Variants in MAOA observed in about 807,000 individuals in gnomAD.
The protein encoded by MAOA is amine oxidase [flavin-containing] A.
In MAOA, 6 loss-of-function variants were observed where a neutral mutation model predicts 42.0. The observed-to-expected ratio is 0.14, with a 90% CI of 0.08 to 0.28. The LOEUF (loss-of-function observed/expected upper bound fraction) is 0.28. MAOA is among the 10% of genes least tolerant of loss of function. The pLI, the probability that MAOA is intolerant of heterozygous loss-of-function variation, is 1.00. For missense variants in MAOA, 262 were observed against 422.3 expected (o/e 0.62, Z 3.33); for synonymous variants, 140 against 154.0 (o/e 0.91, Z 0.67).
chrX:43,733,588 G>A (rs771112871), intron 9 of MAOA, among the ~76,000 whole-genome samples: 5 of 111,743 alleles, frequency 4.5e-5, no homozygotes, highest in Non-Finnish European at 9.4e-5. Flanking sequence ...ACAAATAAAA[G>A]GCGATTTATT....
upstream of MAOA, chrX:43,656,123 T>A: frequency 2.3e-6 from 1 of 434,746 alleles, no homozygotes; most frequent in South Asian, 3.3e-5. Context: ...AGTGCCCAGC[T>A]CCCCCCGGGT....
At chrX:43,708,702 G>A (rs925435524) in intron 3 of MAOA, among the ~76,000 whole-genome samples, 6 of 101,560 alleles carry the variant, frequency 5.9e-5, no homozygotes, top group African/African-American at 1.8e-4. Flanking sequence ...TCGCACTGTC[G>A]CCCAGGCTGG....
chrX:43,676,140 G>A (rs1468726490), intron 1 of MAOA, among the ~76,000 whole-genome samples: 1 of 112,153 alleles, frequency 8.9e-6, no homozygotes, highest in Non-Finnish European at 1.9e-5. Flanking sequence ...AAGCAAGCCT[G>A]GGCAATGGCG....
chrX:43,717,534 G>A (rs2033753926), intron 5 of MAOA, among the ~76,000 whole-genome samples: 1 of 111,399 alleles, frequency 9.0e-6, no homozygotes, highest in Non-Finnish European at 1.9e-5. Flanking sequence ...GACCCACAGG[G>A]TCATGGGGGA....
At chrX:43,680,797 C>T (rs1045621264) in intron 1 of MAOA, among the ~76,000 whole-genome samples, 1 of 111,275 alleles carries the variant, frequency 9.0e-6, no homozygotes, top group Admixed American at 9.6e-5. Context: ...CCCTCATTAG[C>T]TATTTGGTTG....
At chrX:43,684,879 T>TTTTC (rs1569192740) in intron 2 of MAOA, among the ~76,000 whole-genome samples, 2 of 96,373 alleles carry the variant, frequency 2.1e-5, no homozygotes, top group African/African-American at 7.5e-5. Flanking sequence ...CTTTTCTTTT[T>TTTTC]TTTTTTTTTT....
At chrX:43,715,392 G>A (rs1235353729) in intron 5 of MAOA, among the ~76,000 whole-genome samples, 1 of 111,141 alleles carries the variant, frequency 9.0e-6, no homozygotes, top group Non-Finnish European at 1.9e-5. Context: ...ACAGGAGCTA[G>A]GGGATGCAGG....
At chrX:43,715,758 A>G (rs1186268204) in intron 5 of MAOA, among the ~76,000 whole-genome samples, 1 of 109,244 alleles carries the variant, frequency 9.2e-6, no homozygotes, top group East Asian at 2.9e-4. Context: ...TTCCAGGATG[A>G]CCCACAAGGC....
chrX:43,660,749 A>G lies in MAOA; in HGVS notation c.73+4335A>G, dbSNP rs187818568. ...ACACTTATTTTCTATCTCTTATTTC[A>G]TGATTTGATTTTAAGGATAATGGCT... On this transcript the variant is annotated intron_variant, in intron 1 of 14. Coordinates refer to ENST00000338702, the MANE Select transcript of MAOA (RefSeq NM_000240.4). Among the ~76,000 whole-genome samples, 167 of 111,308 alleles carry G rather than the reference A, an allele frequency of 1.5e-3. 1 individual carries two copies. Among genetic ancestry groups the G allele is most frequent in the Non-Finnish European group, 2.5e-3 (135 of 53,028 alleles).
chrX:43,692,000 GACACACACACACACAC>G (rs753022851), intron 2 of MAOA, among the ~76,000 whole-genome samples: 1 of 65,012 alleles, frequency 1.5e-5, no homozygotes, highest in South Asian at 7.4e-4. Flanking sequence ...GCACTGTATA[GACACACACACACACAC>G]ACACACACAC....
chrX:43,741,131 T>C (rs2033957740), intron 11 of MAOA, among the ~76,000 whole-genome samples: 1 of 111,780 alleles, frequency 8.9e-6, no homozygotes, highest in African/African-American at 3.2e-5. Context: ...CAAAGTAGTA[T>C]GTACTTGACA....
At chrX:43,717,881 G>C (rs892426306) in intron 5 of MAOA, among the ~76,000 whole-genome samples, 1 of 109,451 alleles carries the variant, frequency 9.1e-6, no homozygotes, top group Non-Finnish European at 1.9e-5. Context: ...TAGGGAGATG[G>C]TATCTTCCAG....
At chrX:43,730,520 C>G (rs900094954) in intron 6 of MAOA, among the ~76,000 whole-genome samples, 1 of 84,216 alleles carries the variant, frequency 1.2e-5, no homozygotes, top group East Asian at 4.0e-4. Flanking sequence ...GAGACGGAGT[C>G]TAGCTCTGTT....
At chrX:43,671,667 C>G (rs200259594) in intron 1 of MAOA, among the ~76,000 whole-genome samples, 1 of 90,662 alleles carries the variant, frequency 1.1e-5, no homozygotes, top group East Asian at 3.3e-4. Context: ...ATATGGCTAG[C>G]CAGTTTTCCC....
chrX:43,660,954 A>G (rs2033228554), intron 1 of MAOA, among the ~76,000 whole-genome samples: 1 of 112,080 alleles, frequency 8.9e-6, no homozygotes, highest in Admixed American at 9.5e-5. Flanking sequence ...GACAATGTAT[A>G]CTTCCTTCAT....
intron 2 of MAOA, among the ~76,000 whole-genome samples, chrX:43,691,473 C>G (rs1428875319): frequency 9.0e-6 from 1 of 110,855 alleles, no homozygotes; most frequent in Non-Finnish European, 1.9e-5. Context: ...AACATTAAAC[C>G]AACAGTTTTG....
At chrX:43,740,630 G>A (rs1163304049) in intron 10 of MAOA, 51 bp from the exon 11 acceptor site, 2 of 1,070,780 alleles carry the variant, frequency 1.9e-6, no homozygotes, top group Non-Finnish European at 2.5e-6. Flanking sequence ...ATACCCATCA[G>A]TTACTCCTTC....
At chrX:43,657,856 G>C in intron 1 of MAOA, 1 of 736,859 alleles carries the variant, frequency 1.4e-6, no homozygotes, top group Non-Finnish European at 1.6e-6. Flanking sequence ...TGTTTATCCT[G>C]AACAGGCCAA....
chrX:43,660,399 G>A (rs1456441726), intron 1 of MAOA, among the ~76,000 whole-genome samples: 2 of 110,020 alleles, frequency 1.8e-5, no homozygotes, highest in African/African-American at 6.6e-5. Context: ...CTCTGCTCAG[G>A]GCCTTCAATG....
Sources: gnomAD v4.1 joint callset for allele counts (sites outside exome capture counted in the v4.1 genomes callset) on GRCh38, gnomAD v4.1.1 for gene constraint, MANE v1.5 for transcripts, NCBI Gene and HGNC (gene_info 2026-07-23, HGNC 2026-07-21) for gene names.